Variants in PARD3B observed in about 807,000 individuals in gnomAD.
PARD3B encodes the protein partitioning defective 3 homolog B.
A neutral mutation model predicts 130.2 loss-of-function variants in PARD3B; 103 were observed. The ratio of observed to expected loss-of-function variants is 0.79; its 90% confidence interval spans 0.67 to 0.93. The LOEUF is 0.93. Ranked by LOEUF, PARD3B falls within the 40% of genes least tolerant of loss-of-function variation. The probability of loss-of-function intolerance (pLI) is 0.00; values close to 1 mark genes in which losing one functional copy is unlikely to be tolerated. For synonymous variants in PARD3B, 583 were observed against 553.2 expected (o/e 1.05, Z -0.76); for missense variants, 1,609 against 1,499.2 (o/e 1.07, Z -1.21).
chr2:205,064,340 A>G (rs1377761132), intron 4 of PARD3B, among the ~76,000 whole-genome samples: 1 of 152,166 alleles, frequency 6.6e-6, no homozygotes, highest in Non-Finnish European at 1.5e-5. Context: ...TCACTCTTTC[A>G]TAGATTTCAT....
intron 1 of PARD3B, among the ~76,000 whole-genome samples, chr2:204,605,931 T>C (rs1269659944): frequency 6.6e-6 from 1 of 152,170 alleles, no homozygotes; most frequent in East Asian, 1.9e-4. Flanking sequence ...CCATGCTGCC[T>C]CACCCAGTTG....
Position 205,015,406 on chromosome 2 carries a change from G to A in PARD3B, c.395-32175G>A, listed in dbSNP as rs1415945878. On this transcript the variant is annotated intron_variant, in intron 3 of 22. Coordinates refer to ENST00000406610, the MANE Select transcript of PARD3B (RefSeq NM_001302769.2). This position sits in a 1 kb window ranked among gnomAD's most constrained non-coding sequence, Gnocchi z 4.5. ...ATGTATAAGTGAACCTGCGCAGCTC[G>A]AACCTGTGTTGTTCAAGGGTCAACC... Among the ~76,000 whole-genome samples, 2 of 152,170 alleles carry A rather than the reference G, an allele frequency of 1.3e-5. No individual in the cohort carries two copies. The highest frequency in any genetic ancestry group is 6.5e-5 in the Admixed American group (1 of 15,282).
chr2:205,417,413 A>G (rs1451936440), intron 19 of PARD3B, among the ~76,000 whole-genome samples: 1 of 152,174 alleles, frequency 6.6e-6, no homozygotes, highest in African/African-American at 2.4e-5. Flanking sequence ...TCTTTATAGC[A>G]GCATGATTTA....
At chr2:204,807,501 C>T (rs2042811458) in intron 2 of PARD3B, among the ~76,000 whole-genome samples, 1 of 151,998 alleles carries the variant, frequency 6.6e-6, no homozygotes, top group South Asian at 2.1e-4. Context: ...GGGTATTTAT[C>T]CAAAGAAAAT....
At chr2:204,996,936 G>T (rs142430271) in intron 3 of PARD3B, among the ~76,000 whole-genome samples, 1 of 151,756 alleles carries the variant, frequency 6.6e-6, no homozygotes, top group African/African-American at 2.4e-5. Context: ...GCCCTGCTTC[G>T]GCTCGCACAT....
rs2042412129 is a variant in PARD3B at position 205,312,209 on chromosome 2, A to T, written c.2630+10508A>T. On this transcript the variant is annotated intron_variant, in intron 18 of 22. Coordinates refer to ENST00000406610, the MANE Select transcript of PARD3B (RefSeq NM_001302769.2). ...TGTAAAATGCCTGGGTATCCCTTCA[A>T]CTTTATGGGTATGAAGGGTAACTGA... 2.6e-5 allele frequency among the ~76,000 whole-genome samples: 4 copies of T among 152,138 alleles called. No individual in the cohort carries two copies. In the South Asian group the frequency reaches 8.3e-4, roughly 31 times the overall value.
intron 2 of PARD3B, among the ~76,000 whole-genome samples, chr2:204,885,556 G>A (rs1185637755): frequency 6.6e-6 from 1 of 152,128 alleles, no homozygotes; most frequent in Non-Finnish European, 1.5e-5. Flanking sequence ...TGAAACTCCT[G>A]TGAGGCAGAT....
intron 19 of PARD3B, among the ~76,000 whole-genome samples, chr2:205,439,543 C>A (rs989757553): frequency 5.3e-5 from 8 of 152,170 alleles, no homozygotes; most frequent in Non-Finnish European, 8.8e-5. Flanking sequence ...GTCAAATTCT[C>A]AAAATTCAGA....
chr2:204,575,030 TG>T (rs1280559958), intron 1 of PARD3B, among the ~76,000 whole-genome samples: 4 of 43,252 alleles, frequency 9.2e-5, no homozygotes, highest in Non-Finnish European at 2.6e-4. Context: ...ATTACTTTGC[TG>T]ATGTTTTTTT....
intron 2 of PARD3B, among the ~76,000 whole-genome samples, chr2:204,771,267 C>T (rs988688883): frequency 6.6e-6 from 1 of 151,890 alleles, no homozygotes; most frequent in Non-Finnish European, 1.5e-5. Context: ...TGTGTGTAAG[C>T]ATGTCTTGGG....
At chr2:204,778,799 C>T (rs1206653484) in intron 2 of PARD3B, among the ~76,000 whole-genome samples, 1 of 152,096 alleles carries the variant, frequency 6.6e-6, no homozygotes, top group Non-Finnish European at 1.5e-5. Flanking sequence ...GTCCTGGCAC[C>T]TGCTATTCCC....
At chr2:204,784,636 C>T (rs1442877447) in intron 2 of PARD3B, among the ~76,000 whole-genome samples, 1 of 152,092 alleles carries the variant, frequency 6.6e-6, no homozygotes, top group Non-Finnish European at 1.5e-5. Context: ...ATGTTGGGTA[C>T]CAAGTTTAAT....
rs183377518 is a variant in PARD3B, at chr2:204,786,526, C to T, written c.222+100244C>T. 4.7e-4 allele frequency among the ~76,000 whole-genome samples: 67 copies of T among 143,540 alleles called. 1 individual carries two copies. The East Asian group carries it at 0.012, about 26-fold the overall frequency. 94.2% of individuals were successfully genotyped at this position (143,540 alleles called of 152,430 possible). ...TGGCCTGAATTGACTGCCATCTCAT[C>T]GGATGGCAATAAGCTTAACAATCTG... On this transcript the variant is annotated intron_variant, in intron 2 of 22. Transcript: ENST00000406610.
chr2:204,582,577 T>G (rs1165243618), intron 1 of PARD3B, among the ~76,000 whole-genome samples: 1 of 151,952 alleles, frequency 6.6e-6, no homozygotes, highest in Non-Finnish European at 1.5e-5. Flanking sequence ...CACGGGTGGG[T>G]TTTGTAGATT....
At chr2:204,836,306 A>G (rs1403874274) in intron 2 of PARD3B, among the ~76,000 whole-genome samples, 1 of 152,240 alleles carries the variant, frequency 6.6e-6, no homozygotes, top group African/African-American at 2.4e-5. Context: ...TCAGAAATAT[A>G]ATTAGATACA....
chr2:205,337,416 A>G (rs1160515282), intron 18 of PARD3B, among the ~76,000 whole-genome samples: 2 of 152,224 alleles, frequency 1.3e-5, no homozygotes, highest in Non-Finnish European at 2.9e-5. Context: ...TTCAATATTT[A>G]TATCTGTTGG....
chr2:205,533,619 A>G (rs985230822), intron 21 of PARD3B, among the ~76,000 whole-genome samples: 2 of 152,248 alleles, frequency 1.3e-5, no homozygotes, highest in East Asian at 1.9e-4. Flanking sequence ...TGTTCATTAA[A>G]TAATGAAATC....
chr2:205,197,056 T>G (rs905193477), intron 15 of PARD3B, among the ~76,000 whole-genome samples: 3 of 150,632 alleles, frequency 2.0e-5, no homozygotes, highest in Middle Eastern at 3.4e-3. Context: ...TGTGTGTGTG[T>G]GTGTGTGTGT....
chr2:205,533,009 A>G (rs1404025397), intron 21 of PARD3B, among the ~76,000 whole-genome samples: 3 of 152,204 alleles, frequency 2.0e-5, no homozygotes, highest in Non-Finnish European at 2.9e-5. Context: ...AATTCCTTTC[A>G]GTGGAATCAA....
Sources: allele counts gnomAD v4.1 joint callset (sites outside exome capture counted in the v4.1 genomes callset), GRCh38; gene constraint gnomAD v4.1.1; non-coding constraint Gnocchi (gnomAD v3.1); transcripts MANE v1.5; gene names NCBI Gene and HGNC (gene_info 2026-07-23, HGNC 2026-07-21).